LRP1B: variants seen among roughly 807,000 people sequenced by gnomAD.
LRP1B encodes the protein LDL receptor related protein 1B.
In LRP1B, 217 loss-of-function variants were observed where a neutral mutation model predicts 556.6. That is an observed-to-expected ratio of 0.39 (90% confidence interval 0.35 to 0.44). LRP1B has a LOEUF of 0.44. LRP1B is among the 20% of genes least tolerant of loss of function. LRP1B has a pLI of 1.00. For synonymous variants in LRP1B, 2,047 were observed against 1,865.8 expected, an observed-to-expected ratio of 1.10 and a Z score of -2.50; for missense variants, 5,053 against 5,620.8, an observed-to-expected ratio of 0.90 and a Z score of 3.23.
chr2:142,095,698 C>T (rs1289555327), intron 1 of LRP1B, among the ~76,000 whole-genome samples: 2 of 151,642 alleles, frequency 1.3e-5, no homozygotes, highest in Admixed American at 6.6e-5. Flanking sequence ...CCTTTTTCAA[C>T]ATGTATTTTT....
intron 41 of LRP1B, among the ~76,000 whole-genome samples, chr2:140,688,071 G>A (rs1686111952): frequency 6.6e-6 from 1 of 151,924 alleles, no homozygotes; most frequent in South Asian, 2.1e-4. Context: ...CTACATCATG[G>A]ATTGTTTTCC....
At chr2:140,769,413 T>C (rs1033357375) in intron 34 of LRP1B, 69 bp from the exon 35 acceptor site, 2 of 1,391,660 alleles carry the variant, frequency 1.4e-6, no homozygotes, top group Non-Finnish European at 9.7e-7. Flanking sequence ...ACAAATAATT[T>C]CATTTGTATT....
intron 23 of LRP1B, among the ~76,000 whole-genome samples, chr2:140,902,108 C>T (rs1694122068): frequency 1.3e-5 from 2 of 152,146 alleles, no homozygotes; most frequent in African/African-American, 4.8e-5. Flanking sequence ...GAAAGATATG[C>T]TAACTTTCAG....
intron 7 of LRP1B, 105 bp from the exon 8 acceptor site, chr2:141,062,378 G>A: frequency 1.5e-6 from 1 of 668,420 alleles, no homozygotes; most frequent in Non-Finnish European, 2.5e-6. Flanking sequence ...TTATTTCAGT[G>A]ATTACATCTG....
chr2:140,259,179 C>G (rs543951938), intron 86 of LRP1B, among the ~76,000 whole-genome samples: 1 of 152,214 alleles, frequency 6.6e-6, no homozygotes, highest in African/African-American at 2.4e-5. Context: ...TTCTCCTTGC[C>G]TCATCTTTTT....
At chr2:141,820,704 G>A (rs1305347191) in intron 1 of LRP1B, among the ~76,000 whole-genome samples, 1 of 152,208 alleles carries the variant, frequency 6.6e-6, no homozygotes, top group Non-Finnish European at 1.5e-5. Context: ...ATGTACACAA[G>A]TTTGCATGTT....
chr2:140,242,415 C>T (rs900989158), intron 87 of LRP1B, among the ~76,000 whole-genome samples: 4 of 151,170 alleles, frequency 2.6e-5, no homozygotes, highest in Middle Eastern at 3.4e-3. Flanking sequence ...GCAAATAGTG[C>T]AGTCCTTAGG....
intron 2 of LRP1B, among the ~76,000 whole-genome samples, chr2:141,606,839 T>C (rs570921110): frequency 6.6e-6 from 1 of 152,296 alleles, no homozygotes; most frequent in East Asian, 1.9e-4. Context: ...TGGTATTCTA[T>C]TACGGCAGTC....
At chr2:141,374,968 G>T (rs1689373574) in intron 3 of LRP1B, among the ~76,000 whole-genome samples, 1 of 152,068 alleles carries the variant, frequency 6.6e-6, no homozygotes, top group African/African-American at 2.4e-5. Context: ...TCCTTGTGTT[G>T]ACATCTGCAC....
chr2:141,952,387 A>G (rs1701130905), intron 1 of LRP1B, among the ~76,000 whole-genome samples: 1 of 152,180 alleles, frequency 6.6e-6, no homozygotes, highest in Admixed American at 6.5e-5. Flanking sequence ...TGGCTGGGTC[A>G]AATCATTCTT....
At chr2:140,775,324 A>C (rs1472701533) in intron 33 of LRP1B, among the ~76,000 whole-genome samples, 2 of 151,990 alleles carry the variant, frequency 1.3e-5, no homozygotes, top group African/African-American at 4.8e-5. Flanking sequence ...TTTAGTCTAC[A>C]TACCCCAAAT....
At chr2:141,324,153 C>T (rs1687354981) in intron 3 of LRP1B, among the ~76,000 whole-genome samples, 1 of 139,492 alleles carries the variant, frequency 7.2e-6, no homozygotes. Context: ...AACAAGGAAA[C>T]CACACACACA....
intron 20 of LRP1B, among the ~76,000 whole-genome samples, chr2:140,946,108 C>G (rs1695539585): frequency 6.6e-6 from 1 of 152,108 alleles, no homozygotes; most frequent in African/African-American, 2.4e-5. Context: ...TGAAAAAATG[C>G]TCCACTAATA....
intron 43 of LRP1B, among the ~76,000 whole-genome samples, chr2:140,587,367 G>A (rs1423523642): frequency 6.6e-6 from 1 of 152,162 alleles, no homozygotes; most frequent in Non-Finnish European, 1.5e-5. Context: ...GCAGACTAAA[G>A]CTCAGAGACT....
At chr2:141,976,781 A>G (rs1398927525) in intron 1 of LRP1B, among the ~76,000 whole-genome samples, 1 of 152,120 alleles carries the variant, frequency 6.6e-6, no homozygotes, top group South Asian at 2.1e-4. Flanking sequence ...AATAGTGTTA[A>G]TATTGAAAAG....
chr2:140,836,805 C>T (rs149124180), intron 31 of LRP1B, among the ~76,000 whole-genome samples: 51 of 152,228 alleles, frequency 3.4e-4, no homozygotes, highest in South Asian at 8.3e-4. Flanking sequence ...CTTTTCATTA[C>T]GCATTGGGGA....
chr2:141,829,289 C>A (rs1697034916), intron 1 of LRP1B, among the ~76,000 whole-genome samples: 1 of 151,934 alleles, frequency 6.6e-6, no homozygotes, highest in Admixed American at 6.6e-5. Context: ...CTCTCACTTC[C>A]ACATGAACTT....
intron 66 of LRP1B, among the ~76,000 whole-genome samples, chr2:140,411,830 CT>C (rs1458208953): frequency 6.6e-6 from 1 of 152,084 alleles, no homozygotes; most frequent in Non-Finnish European, 1.5e-5. Flanking sequence ...CCTTAACTAT[CT>C]TATTATCTCT....
At chr2:140,744,116 G>A (rs1688239623) in intron 35 of LRP1B, among the ~76,000 whole-genome samples, 1 of 151,856 alleles carries the variant, frequency 6.6e-6, no homozygotes, top group African/African-American at 2.4e-5. Flanking sequence ...GGGGATCTAA[G>A]GTACAGCATG....
Sources: gnomAD v4.1 joint callset for allele counts (sites outside exome capture counted in the v4.1 genomes callset) on GRCh38, gnomAD v4.1.1 for gene constraint, MANE v1.5 for transcripts, NCBI Gene and HGNC (gene_info 2026-07-23, HGNC 2026-07-21) for gene names.